The following SLC43A3 variants were observed in gnomAD, a reference collection of about 807,000 sequenced individuals.
SLC43A3 encodes the protein solute carrier family 43 member 3, also known as equilibrative nucleobase transporter 1.
A neutral mutation model predicts 53.3 loss-of-function variants in SLC43A3; 33 were observed. The observed-to-expected ratio is 0.62, with a 90% CI of 0.47 to 0.83. The LOEUF is 0.83. SLC43A3 is among the 40% of genes least tolerant of loss of function. The pLI, the probability that SLC43A3 is intolerant of heterozygous loss-of-function variation, is 0.00. For missense variants in SLC43A3, 530 were observed against 610.0 expected, an observed-to-expected ratio of 0.87 and a Z score of 1.38; for synonymous variants, 236 against 246.2, an observed-to-expected ratio of 0.96 and a Z score of 0.39.
In SLC43A3 at chr11:57,425,631, G is replaced by A; in HGVS notation, c.224C>T (p.Thr75Ile). 1 of 1,614,134 alleles carries A rather than the reference G, an allele frequency of 6.2e-7. No homozygotes were observed. Among genetic ancestry groups the A allele is most frequent in the South Asian group, 1.1e-5 (1 of 91,086 alleles). The change falls in exon 4 of 14, where the codon ACC (threonine) becomes ATC (isoleucine). Residue 75 changes from threonine (T) to isoleucine (I), a missense_variant. Transcript: ENST00000395124. ...AQDERFSLIFTLGSFMNNFMT... is the reference protein window; with the variant it reads ...AQDERFSLIFILGSFMNNFMT... The stretch of plus-strand genomic sequence containing the variant: ...GAAGTTGTTCATGAAGGACCCCAGG[G>A]TGAAGATGAGTGAGAACCTCTCATC...
chr11:57,423,890 G>C, intron 5 of SLC43A3, 92 bp downstream of exon 5: 1 of 1,038,716 alleles, frequency 9.6e-7, no homozygotes. Context: ...CATGTGGTCT[G>C]TATATCTTGC....
chr11:57,421,467 A>G, intron 5 of SLC43A3, 94 bp from the exon 6 acceptor site: 1 of 885,912 alleles, frequency 1.1e-6, no homozygotes, highest in South Asian at 1.5e-5. Flanking sequence ...ATTCCCAACA[A>G]TCCTGGTATC....
chr11:57,407,277 C>T lies in SLC43A3; in HGVS notation c.*515G>A, dbSNP rs1590667893. 1 of 154,342 alleles carries T rather than the reference C, an allele frequency of 6.5e-6. No individual in the cohort carries two copies. Among genetic ancestry groups the T allele is most frequent in the African/African-American group, 2.4e-5 (1 of 41,468 alleles). 9.6% of individuals were successfully genotyped at this position (154,342 alleles called of 1,614,324 possible). On this transcript the variant is annotated 3_prime_UTR_variant, in exon 14 of 14. Transcript: ENST00000395124. ...AGGTCATCCAGCATCAGTGGCTGGG[C>T]TGAGACTGGGCCCAGGGAACCCTGT...
chr11:57,422,563 TCA>T (rs1943036733), intron 5 of SLC43A3, among the ~76,000 whole-genome samples: 1 of 152,248 alleles, frequency 6.6e-6, no homozygotes, highest in Admixed American at 6.5e-5. Context: ...TTTAGAGTAT[TCA>T]CACAGTTTAC....
chr11:57,419,045 T>C (rs1942856557), intron 7 of SLC43A3, among the ~76,000 whole-genome samples: 1 of 152,140 alleles, frequency 6.6e-6, no homozygotes, highest in Admixed American at 6.5e-5. Context: ...TAGGGACACC[T>C]GGTACACACA....
intron 7 of SLC43A3, among the ~76,000 whole-genome samples, chr11:57,418,766 T>C (rs1942840270): frequency 6.6e-6 from 1 of 152,010 alleles, no homozygotes; most frequent in South Asian, 2.1e-4. Flanking sequence ...GGCACGCACC[T>C]GTAATCCCAG....
Position 57,426,053 on chromosome 11 carries a change from T to G in SLC43A3, c.120A>C (p.Glu40Asp), listed in dbSNP as rs561405185. 8.7e-6 allele frequency: 14 copies of G among 1,614,256 alleles called. No homozygotes were observed. The highest frequency in any genetic ancestry group is 1.2e-5 in the Non-Finnish European group (14 of 1,180,044). Residue 40 changes from glutamate (E) to aspartate (D), a missense_variant, in exon 3 of 14, where the codon GAA becomes GAC. Physicochemically the swap from Glu to Asp is conservative, Grantham distance 45. Transcript: ENST00000395124. ...GTCCACACAGATCCTTAAAGTAATC[T>G]TCATTCTTGAAGACAAACACTAGTG... ...WPSLVFVFKN[E>D]DYFKDLCGPD... is the part of the protein sequence containing the mutation.
At chr11:57,417,936 GCACTATTCA>G in intron 7 of SLC43A3, 49 bp from the exon 8 acceptor site, 1 of 1,583,088 alleles carries the variant, frequency 6.3e-7, no homozygotes, top group East Asian at 2.3e-5. Flanking sequence ...GTTCATAGCA[GCACTATTCA>G]CAATAGCCAA....
Position 57,415,185 on chromosome 11 carries a change from G to C in SLC43A3, c.770-79C>G, listed in dbSNP as rs1942661741. 4 of 1,578,234 alleles carry C rather than the reference G, an allele frequency of 2.5e-6. No homozygotes were observed. The South Asian group carries it at 3.5e-5, about 14-fold the overall frequency. ...GATGGGGAGTGTGGAGGCTTCAATGGAACATTTCAGATCCGGGCCCACCTT... is the reference window on the plus strand; with the variant it reads ...GATGGGGAGTGTGGAGGCTTCAATGCAACATTTCAGATCCGGGCCCACCTT... On this transcript the variant is annotated intron_variant, in intron 9 of 13. Transcript: ENST00000395124.
At chr11:57,420,851 T>C (rs1942951160) in intron 7 of SLC43A3, 121 bp downstream of exon 7, 2 of 684,054 alleles carry the variant, frequency 2.9e-6, no homozygotes, top group African/African-American at 1.8e-5. Flanking sequence ...GCTTCATCTG[T>C]AAAATGGGGG....
chr11:57,417,917 C>T, intron 7 of SLC43A3, 30 bp from the exon 8 acceptor site: 1 of 1,609,526 alleles, frequency 6.2e-7, no homozygotes, highest in Admixed American at 1.7e-5. Context: ...AAGTCAGTGT[C>T]ACACCCACGT....
intron 7 of SLC43A3, among the ~76,000 whole-genome samples, chr11:57,418,606 G>A (rs1045085147): frequency 5.3e-5 from 8 of 152,076 alleles, no homozygotes; most frequent in Admixed American, 3.9e-4. Context: ...TGAGGTGAGA[G>A]GATATGATTA....
intron 6 of SLC43A3, 102 bp from the exon 7 acceptor site, chr11:57,421,166 C>T: frequency 8.3e-7 from 1 of 1,205,804 alleles, no homozygotes; most frequent in Non-Finnish European, 1.2e-6. Context: ...CAAACTCACC[C>T]TCCACCGCTA....
chr11:57,413,574 G>A (rs898404385), intron 11 of SLC43A3, among the ~76,000 whole-genome samples: 4 of 152,098 alleles, frequency 2.6e-5, no homozygotes, highest in Admixed American at 6.5e-5. Context: ...GCATGGGTGG[G>A]GGAAGGGATA....
At chr11:57,426,880 G>T (rs1486895163) in intron 1 of SLC43A3, 182 bp downstream of exon 1, 2 of 152,254 alleles carry the variant, frequency 1.3e-5, no homozygotes, top group Non-Finnish European at 2.9e-5. Flanking sequence ...CCTAGGACTC[G>T]CAAACCTGGT....
At chr11:57,425,913 G>T in intron 3 of SLC43A3, 76 bp downstream of exon 3, 1 of 1,461,644 alleles carries the variant, frequency 6.8e-7, no homozygotes, top group Non-Finnish European at 9.4e-7. Flanking sequence ...TGGGCAGGGG[G>T]CAGAGTCCTT....
At chr11:57,410,575 G>A (rs1470355306) in intron 11 of SLC43A3, among the ~76,000 whole-genome samples, 1 of 151,854 alleles carries the variant, frequency 6.6e-6, no homozygotes, top group Non-Finnish European at 1.5e-5. Context: ...GACCCAGGCA[G>A]TGGTTAAAAG....
At chr11:57,421,262 C>T in intron 6 of SLC43A3, 35 bp downstream of exon 6, 1 of 1,569,710 alleles carries the variant, frequency 6.4e-7, no homozygotes, top group Non-Finnish European at 8.8e-7. Context: ...TTCCCGCCAC[C>T]CTGCCGAGTG....
intron 8 of SLC43A3, among the ~76,000 whole-genome samples, chr11:57,416,985 C>T (rs1411671740): frequency 6.6e-6 from 1 of 152,192 alleles, no homozygotes; most frequent in African/African-American, 2.4e-5. Flanking sequence ...AGAAAGATGG[C>T]TCAGACTTAA....
Sources: allele counts gnomAD v4.1 joint callset (sites outside exome capture counted in the v4.1 genomes callset), GRCh38; gene constraint gnomAD v4.1.1; transcripts MANE v1.5; gene names NCBI Gene and HGNC (gene_info 2026-07-23, HGNC 2026-07-21).